The following CPA6 variants were observed in gnomAD, a reference collection of about 807,000 sequenced individuals.
CPA6 encodes the protein carboxypeptidase A6, also known as carboxypeptidase B.
CPA6 carries 58 observed loss-of-function variants against 63.3 expected under a neutral mutation model. That is an observed-to-expected ratio of 0.92 (90% CI 0.74 to 1.14). The LOEUF is 1.14. CPA6 is among the 50% of genes most tolerant of loss of function. The pLI is 0.00. For synonymous variants in CPA6, 185 were observed against 179.0 expected, an observed-to-expected ratio of 1.03 and a Z score of -0.27; for missense variants, 565 against 526.6, an observed-to-expected ratio of 1.07 and a Z score of -0.71.
rs1050224616 is a variant in CPA6, at chr8:67,547,239, G to A, written c.193-29192C>T. On this transcript the variant is annotated intron_variant, in intron 2 of 10. Coordinates refer to ENST00000297770, the MANE Select transcript of CPA6 (RefSeq NM_020361.5). ...ATTTTTGTATTTTTAGTAGATACAG[G>A]GTTTCACTGTGTTAGCCAGGATGGT... 3.3e-5 allele frequency among the ~76,000 whole-genome samples: 5 copies of A among 152,142 alleles called. No homozygotes were observed. The South Asian group carries it at 8.3e-4, about 25-fold the overall frequency.
Position 67,746,196 on chromosome 8 carries a change from A to C in CPA6, c.-67T>G. Reference sequence around the variant, plus strand: ...CCCGAGGCTGGAGGTGGCTCACAGCACCCTCTACACACCGCACAGGTTCTC... The same window carrying C: ...CCCGAGGCTGGAGGTGGCTCACAGCCCCCTCTACACACCGCACAGGTTCTC... On this transcript the variant is annotated 5_prime_UTR_variant, in exon 1 of 11. Transcript: ENST00000297770. 8.8e-7 allele frequency: 1 copy of C among 1,131,618 alleles called. No homozygotes were observed. Among genetic ancestry groups the C allele is most frequent in the Non-Finnish European group, 1.3e-6 (1 of 772,132 alleles). 70.1% of individuals were successfully genotyped at this position (1,131,618 alleles called of 1,614,324 possible).
At chr8:67,492,576 C>T (rs1811629741) in intron 6 of CPA6, among the ~76,000 whole-genome samples, 1 of 143,230 alleles carries the variant, frequency 7.0e-6, no homozygotes, top group East Asian at 1.9e-4. Context: ...AAATCATTTC[C>T]CAATACATGT....
At chr8:67,653,695 C>T (rs1297647292) in intron 1 of CPA6, among the ~76,000 whole-genome samples, 1 of 152,112 alleles carries the variant, frequency 6.6e-6, no homozygotes, top group African/African-American at 2.4e-5. Flanking sequence ...CAAACATGGA[C>T]AATTTGACTT....
chr8:67,452,739 G>C (rs1810582431), intron 8 of CPA6: 1 of 152,330 alleles, frequency 6.6e-6, no homozygotes, highest in East Asian at 1.9e-4. Flanking sequence ...AGGACAGTGT[G>C]AGAAAGATTA....
At chr8:67,520,131 C>G (rs1388588576) in intron 2 of CPA6, among the ~76,000 whole-genome samples, 1 of 151,596 alleles carries the variant, frequency 6.6e-6, no homozygotes, top group Non-Finnish European at 1.5e-5. Flanking sequence ...AGTTTGCTGC[C>G]ACCCCTTAAT....
intron 8 of CPA6, among the ~76,000 whole-genome samples, chr8:67,440,064 A>G (rs970201969): frequency 6.6e-6 from 1 of 152,336 alleles, no homozygotes; most frequent in African/African-American, 2.4e-5. Flanking sequence ...ACACATTACT[A>G]CAAACTAAGC....
chr8:67,598,120 C>G (rs756602314), intron 2 of CPA6, among the ~76,000 whole-genome samples: 1 of 152,198 alleles, frequency 6.6e-6, no homozygotes, highest in Non-Finnish European at 1.5e-5. Context: ...CCTAGGCTGT[C>G]TGGCCTGATC....
intron 1 of CPA6, among the ~76,000 whole-genome samples, chr8:67,667,149 G>A (rs1477439298): frequency 6.6e-6 from 1 of 152,128 alleles, no homozygotes; most frequent in East Asian, 1.9e-4. Context: ...AAACTTGCTG[G>A]TGGACTCCCA....
intron 1 of CPA6, among the ~76,000 whole-genome samples, chr8:67,680,067 C>T (rs550568840): frequency 1.3e-5 from 2 of 152,252 alleles, no homozygotes; most frequent in East Asian, 3.9e-4. Context: ...TGCATTTCCC[C>T]CAGGATTCCT....
At chr8:67,612,414 A>G (rs976565831) in intron 2 of CPA6, among the ~76,000 whole-genome samples, 5 of 151,902 alleles carry the variant, frequency 3.3e-5, no homozygotes, top group East Asian at 3.9e-4. Flanking sequence ...TTGTGATGCA[A>G]CTCCCAAAGA....
chr8:67,498,418 C>T (rs1162001626), intron 6 of CPA6, among the ~76,000 whole-genome samples: 1 of 151,490 alleles, frequency 6.6e-6, no homozygotes, highest in Admixed American at 6.6e-5. Flanking sequence ...CACCTGTAAT[C>T]CCAGCTACTC....
At chr8:67,585,158 C>A (rs1463556326) in intron 2 of CPA6, among the ~76,000 whole-genome samples, 2 of 151,864 alleles carry the variant, frequency 1.3e-5, no homozygotes, top group Non-Finnish European at 2.9e-5. Flanking sequence ...GAGAAGTAGT[C>A]TCGTTTGAAG....
chr8:67,557,151 T>C (rs1432267595), intron 2 of CPA6, among the ~76,000 whole-genome samples: 1 of 152,242 alleles, frequency 6.6e-6, no homozygotes, highest in Non-Finnish European at 1.5e-5. Context: ...GTGATGAGGC[T>C]TGAGTGCCAC....
intron 2 of CPA6, among the ~76,000 whole-genome samples, chr8:67,617,127 G>A (rs527386336): frequency 9.1e-4 from 139 of 152,306 alleles, no homozygotes; most frequent in African/African-American, 3.0e-3. Context: ...TGCATAAGCC[G>A]AAGGTCATGT....
intron 1 of CPA6, among the ~76,000 whole-genome samples, chr8:67,679,144 G>A (rs893859435): frequency 2.0e-5 from 3 of 152,126 alleles, no homozygotes; most frequent in Admixed American, 6.5e-5. Context: ...TTATGTATAC[G>A]TTCTGAGGAG....
At chr8:67,461,045 A>ATT (rs1490504336) in intron 8 of CPA6, among the ~76,000 whole-genome samples, 2 of 123,230 alleles carry the variant, frequency 1.6e-5, no homozygotes, top group African/African-American at 9.0e-5. Context: ...GCATAATTCG[A>ATT]TTTCTTTTTT....
rs1815291163 is a variant in CPA6 at position 67,630,130 on chromosome 8, A to ATAATAATAATAATAT, written c.117-5880_117-5879insATATTATTATTATTA. ...AATTAAAATAATAATAATAATAATA[A>ATAATAATAATAATAT]TAATAATAATTTGTATTCATTCCTT... On this transcript the variant is annotated intron_variant, in intron 1 of 10. Coordinates refer to ENST00000297770, the MANE Select transcript of CPA6 (RefSeq NM_020361.5). 2.0e-5 allele frequency among the ~76,000 whole-genome samples: 3 copies of ATAATAATAATAATAT among 149,392 alleles called. No individual in the cohort carries two copies. In the Admixed American group the frequency reaches 2.0e-4, roughly 10 times the overall value.
At chr8:67,487,203 CT>C (rs1348953062) in intron 6 of CPA6, among the ~76,000 whole-genome samples, 2 of 152,136 alleles carry the variant, frequency 1.3e-5, no homozygotes, top group Non-Finnish European at 1.5e-5. Context: ...ATCCCTTCCC[CT>C]GACCCCCACC....
chr8:67,545,197 A>G (rs1278991772), intron 2 of CPA6, among the ~76,000 whole-genome samples: 2 of 152,190 alleles, frequency 1.3e-5, no homozygotes, highest in Non-Finnish European at 2.9e-5. Context: ...AGAATTTCAT[A>G]TATATGTTTT....
Sources: allele counts gnomAD v4.1 joint callset (sites outside exome capture counted in the v4.1 genomes callset), GRCh38; gene constraint gnomAD v4.1.1; transcripts MANE v1.5; gene names NCBI Gene and HGNC (gene_info 2026-07-23, HGNC 2026-07-21).